SPAG16: variants seen among roughly 807,000 people sequenced by gnomAD.
SPAG16 encodes sperm-associated antigen 16 protein.
In SPAG16, 86 loss-of-function variants were observed where a neutral mutation model predicts 80.4. The observed-to-expected ratio is 1.07, with a 90% CI of 0.90 to 1.28. The LOEUF is 1.28. SPAG16 is among the 50% of genes most tolerant of loss of function. SPAG16 has a pLI of 0.00. For synonymous variants in SPAG16, 294 were observed against 265.9 expected, an observed-to-expected ratio of 1.11 and a Z score of -1.03; for missense variants, 870 against 765.3, an observed-to-expected ratio of 1.14 and a Z score of -1.61.
chr2:213,327,270 A>G (rs2063884666), intron 5 of SPAG16, among the ~76,000 whole-genome samples: 1 of 151,998 alleles, frequency 6.6e-6, no homozygotes, highest in South Asian at 2.1e-4. Context: ...ATTCTTTAGT[A>G]CAACTTTTAT....
At chr2:213,715,222 G>GTCTGTCTATCTA (rs547716333) in intron 10 of SPAG16, among the ~76,000 whole-genome samples, 1,887 of 110,556 alleles carry the variant, frequency 0.017, 20 homozygotes, top group African/African-American at 0.029. Flanking sequence ...AGATCTATCT[G>GTCTGTCTATCTA]TCTATCTATC....
intron 10 of SPAG16, among the ~76,000 whole-genome samples, chr2:213,559,375 A>T (rs947191934): frequency 6.6e-6 from 1 of 152,180 alleles, no homozygotes; most frequent in African/African-American, 2.4e-5. Flanking sequence ...ACGAGCATCA[A>T]TGCACTACTG....
intron 9 of SPAG16, chr2:213,422,340 A>G (rs75432170): frequency 0.046 from 31,813 of 697,284 alleles, 884 homozygotes; most frequent in Middle Eastern, 0.081. Flanking sequence ...AGGCTTACAC[A>G]GATCCAGTGC....
chr2:213,401,928 G>C (rs1205367897), intron 9 of SPAG16, among the ~76,000 whole-genome samples: 1 of 151,568 alleles, frequency 6.6e-6, no homozygotes, highest in Admixed American at 6.6e-5. Context: ...TTAATTACTT[G>C]GATAATAGAA....
chr2:213,599,667 G>GT, intron 10 of SPAG16, among the ~76,000 whole-genome samples: 2 of 152,150 alleles, frequency 1.3e-5, no homozygotes, highest in Non-Finnish European at 2.9e-5. Context: ...TTGTCCGCAA[G>GT]AAGGCTATTA....
chr2:213,359,805 G>C (rs977542908), intron 7 of SPAG16, among the ~76,000 whole-genome samples: 8 of 152,122 alleles, frequency 5.3e-5, no homozygotes. Context: ...CTCCCAATGG[G>C]ATGAACCAGC....
At chr2:213,729,065 A>C (rs1282018758) in intron 10 of SPAG16, among the ~76,000 whole-genome samples, 1 of 152,104 alleles carries the variant, frequency 6.6e-6, no homozygotes, top group Admixed American at 6.6e-5. Flanking sequence ...TTCAGAAGTA[A>C]AATACGATTA....
At chr2:214,057,668 C>T (rs949610187) in intron 13 of SPAG16, among the ~76,000 whole-genome samples, 6 of 152,150 alleles carry the variant, frequency 3.9e-5, no homozygotes, top group Admixed American at 6.6e-5. Flanking sequence ...AGCCAGACAT[C>T]GACTTCTCCT....
At chr2:213,687,551 A>G (rs889011240) in intron 10 of SPAG16, among the ~76,000 whole-genome samples, 2 of 152,124 alleles carry the variant, frequency 1.3e-5, no homozygotes, top group East Asian at 1.9e-4. Flanking sequence ...TTGGCGTCCT[A>G]TTATTTCTTT....
intron 13 of SPAG16, among the ~76,000 whole-genome samples, chr2:214,051,609 C>T (rs891228693): frequency 2.0e-5 from 3 of 152,106 alleles, no homozygotes; most frequent in African/African-American, 7.2e-5. Context: ...CTAATTAGGC[C>T]TTTTCTATTT....
chr2:213,359,572 C>T (rs1371011236), intron 7 of SPAG16, among the ~76,000 whole-genome samples: 2 of 152,228 alleles, frequency 1.3e-5, no homozygotes, highest in East Asian at 3.9e-4. Context: ...GGCGTCGGAC[C>T]TGCTGAGCCA....
chr2:213,771,199 C>T (rs2069224139), intron 10 of SPAG16, among the ~76,000 whole-genome samples: 1 of 152,154 alleles, frequency 6.6e-6, no homozygotes, highest in Non-Finnish European at 1.5e-5. Flanking sequence ...TTTTACATTT[C>T]TCTAATGATC....
chr2:214,401,489 A>T (rs1701704503), intron 15 of SPAG16, among the ~76,000 whole-genome samples: 1 of 152,042 alleles, frequency 6.6e-6, no homozygotes, highest in Middle Eastern at 3.4e-3. Context: ...TGATCTGTGT[A>T]TGAGACTCAT....
intron 8 of SPAG16, among the ~76,000 whole-genome samples, chr2:213,368,678 C>T (rs1221007278): frequency 6.6e-6 from 1 of 152,188 alleles, no homozygotes; most frequent in Non-Finnish European, 1.5e-5. Flanking sequence ...ATCATCTCAG[C>T]CCAAAATCTC....
intron 10 of SPAG16, among the ~76,000 whole-genome samples, chr2:213,736,814 C>T (rs2067303984): frequency 6.6e-6 from 1 of 151,476 alleles, no homozygotes; most frequent in South Asian, 2.1e-4. Context: ...AAGTGATTCT[C>T]CTGCCTCAGC....
At chr2:213,914,182 G>T (rs1343435781) in intron 11 of SPAG16, among the ~76,000 whole-genome samples, 1 of 151,986 alleles carries the variant, frequency 6.6e-6, no homozygotes, top group Non-Finnish European at 1.5e-5. Flanking sequence ...GATGCTTATT[G>T]TATTATAAAT....
intron 10 of SPAG16, among the ~76,000 whole-genome samples, chr2:213,565,864 G>A (rs1389218867): frequency 6.6e-6 from 1 of 152,182 alleles, no homozygotes; most frequent in Non-Finnish European, 1.5e-5. Flanking sequence ...ATGATTCAAA[G>A]CAATGATAAC....
At chr2:213,716,898 T>A (rs901045888) in intron 10 of SPAG16, among the ~76,000 whole-genome samples, 1 of 152,312 alleles carries the variant, frequency 6.6e-6, no homozygotes, top group Non-Finnish European at 1.5e-5. Context: ...TCCTGAATTC[T>A]ACCACTTTCA....
chr2:213,850,892 A>AT (rs1249288668), intron 10 of SPAG16, among the ~76,000 whole-genome samples: 3 of 151,682 alleles, frequency 2.0e-5, no homozygotes, highest in African/African-American at 2.4e-5. Context: ...TTCACTTTGG[A>AT]TTTTTTTTCT....
Sources: allele counts gnomAD v4.1 joint callset (sites outside exome capture counted in the v4.1 genomes callset), GRCh38; gene constraint gnomAD v4.1.1; transcripts MANE v1.5; gene names NCBI Gene and HGNC (gene_info 2026-07-23, HGNC 2026-07-21).